The following OPCML variants were observed in gnomAD, a reference collection of about 807,000 sequenced individuals.
OPCML encodes opioid binding protein/cell adhesion molecule like.
In OPCML, 13 loss-of-function variants were observed where a neutral mutation model predicts 37.8. The ratio of observed to expected loss-of-function variants is 0.34; its 90% CI spans 0.22 to 0.55. The LOEUF is 0.55. Ranked by LOEUF, OPCML falls within the 20% of genes least tolerant of loss-of-function variation. OPCML has a pLI of 0.91. For synonymous variants in OPCML, 176 were observed against 168.8 expected (o/e 1.04, Z -0.33); for missense variants, 341 against 435.6 (o/e 0.78, Z 1.93).
chr11:133,125,706 AGTGT>A (rs1949495003), intron 1 of OPCML, among the ~76,000 whole-genome samples: 4 of 31,510 alleles, frequency 1.3e-4, no homozygotes, highest in South Asian at 1.0e-3. Context: ...GTATATATAT[AGTGT>A]ATATATATGT....
At chr11:133,207,998 C>T (rs1035035922) in intron 1 of OPCML, among the ~76,000 whole-genome samples, 2 of 152,146 alleles carry the variant, frequency 1.3e-5, no homozygotes, top group Admixed American at 6.5e-5. Context: ...AGCACCTCTA[C>T]GCTTTGTAAT....
chr11:132,491,931 T>A (rs2096217376), intron 4 of OPCML, among the ~76,000 whole-genome samples: 1 of 150,858 alleles, frequency 6.6e-6, no homozygotes. Flanking sequence ...CTAATTTTTT[T>A]TTTTTTTTTT....
At chr11:133,057,479 C>T (rs1007390331) in intron 1 of OPCML, among the ~76,000 whole-genome samples, 4 of 152,162 alleles carry the variant, frequency 2.6e-5, no homozygotes, top group African/African-American at 9.7e-5. Flanking sequence ...ACCACCACCC[C>T]AGCTTCCCTT....
chr11:132,807,501 T>G (rs943686928), intron 2 of OPCML, among the ~76,000 whole-genome samples: 2 of 152,302 alleles, frequency 1.3e-5, no homozygotes, highest in Non-Finnish European at 2.9e-5. Flanking sequence ...AGAATAAAAT[T>G]TATAAATCCA....
At chr11:132,830,268 C>A (rs1014132262) in intron 2 of OPCML, among the ~76,000 whole-genome samples, 1 of 152,164 alleles carries the variant, frequency 6.6e-6, no homozygotes, top group Admixed American at 6.5e-5. Context: ...TAAACCATGC[C>A]AACTTCTCTG....
At chr11:132,471,222 G>A (rs988861548) in intron 4 of OPCML, among the ~76,000 whole-genome samples, 11 of 152,056 alleles carry the variant, frequency 7.2e-5, no homozygotes, top group Non-Finnish European at 1.3e-4. Flanking sequence ...GGGAGGAGGG[G>A]GTTTGATGGC....
chr11:133,052,042 T>C (rs1182981339), intron 1 of OPCML, among the ~76,000 whole-genome samples: 1 of 152,210 alleles, frequency 6.6e-6, no homozygotes, highest in African/African-American at 2.4e-5. Context: ...AACCACCAGG[T>C]TCATACCCTC....
chr11:133,496,509 T>C (rs1947791191), intron 1 of OPCML, among the ~76,000 whole-genome samples: 1 of 152,234 alleles, frequency 6.6e-6, no homozygotes, highest in African/African-American at 2.4e-5. Flanking sequence ...ATTTTCACAA[T>C]GTTGGTTCTA....
chr11:132,961,271 C>G (rs1396345043), intron 1 of OPCML, among the ~76,000 whole-genome samples: 1 of 151,758 alleles, frequency 6.6e-6, no homozygotes, highest in Non-Finnish European at 1.5e-5. Flanking sequence ...ACATTGATGC[C>G]GTAGAAGAAT....
chr11:132,614,201 T>C (rs1189682916), intron 3 of OPCML, among the ~76,000 whole-genome samples: 1 of 152,166 alleles, frequency 6.6e-6, no homozygotes. Flanking sequence ...ACATGCCCTG[T>C]GCTTTGGTAC....
At chr11:132,441,324 C>T (rs1035963280) in intron 4 of OPCML, among the ~76,000 whole-genome samples, 7 of 150,524 alleles carry the variant, frequency 4.7e-5, no homozygotes, top group Admixed American at 4.0e-4. Flanking sequence ...CCCGCCACTA[C>T]GCCCGGCTAA....
At chr11:133,515,811 G>A (rs1259034351) in intron 1 of OPCML, among the ~76,000 whole-genome samples, 1 of 151,434 alleles carries the variant, frequency 6.6e-6, no homozygotes, top group Admixed American at 6.6e-5. Flanking sequence ...GGGTCTCCAA[G>A]GGCTGGGGCT....
In OPCML at chr11:132,917,529, G is replaced by A. The variant is rs142309550; in HGVS notation, c.146+25397C>T. ...ATCCAACATTGGCCTAGCAATTAAT[G>A]GAGCTGGGAGACAGATGCTTCTTCC... On this transcript the variant is annotated intron_variant, in intron 2 of 7. Transcript: ENST00000524381. 1.6e-3 allele frequency among the ~76,000 whole-genome samples: 249 copies of A among 152,306 alleles called. 1 individual carries two copies. The highest frequency in any genetic ancestry group is 5.8e-3 in the African/African-American group (239 of 41,562).
At chr11:133,076,959 G>C (rs1274520562) in intron 1 of OPCML, among the ~76,000 whole-genome samples, 2 of 152,176 alleles carry the variant, frequency 1.3e-5, no homozygotes, top group Non-Finnish European at 2.9e-5. Context: ...TGATCGGTTA[G>C]TGATGGTTGG....
intron 2 of OPCML, among the ~76,000 whole-genome samples, chr11:132,857,162 A>T (rs1040723307): frequency 6.6e-6 from 1 of 152,146 alleles, no homozygotes; most frequent in Non-Finnish European, 1.5e-5. Flanking sequence ...TGTCCAAAGT[A>T]TTGTAGCTCT....
At chr11:132,901,666 C>T (rs1294017296) in intron 2 of OPCML, among the ~76,000 whole-genome samples, 1 of 152,164 alleles carries the variant, frequency 6.6e-6, no homozygotes, top group Non-Finnish European at 1.5e-5. Flanking sequence ...CGTGCTTCTC[C>T]GAGATGGGCA....
intron 1 of OPCML, among the ~76,000 whole-genome samples, chr11:133,013,061 G>C (rs1947250622): frequency 1.3e-5 from 2 of 152,076 alleles, no homozygotes; most frequent in African/African-American, 4.8e-5. Flanking sequence ...TCTGCAACAA[G>C]AAAACAAGGA....
intron 1 of OPCML, among the ~76,000 whole-genome samples, chr11:133,410,344 A>G (rs775169214): frequency 1.3e-5 from 2 of 152,114 alleles, no homozygotes; most frequent in Non-Finnish European, 2.9e-5. Flanking sequence ...TCCCATCTCC[A>G]TAAGGTCTTG....
chr11:132,490,308 T>A (rs1025203672), intron 4 of OPCML, among the ~76,000 whole-genome samples: 1 of 151,932 alleles, frequency 6.6e-6, no homozygotes, highest in African/African-American at 2.4e-5. Flanking sequence ...AATCACTTAT[T>A]TTCCATACCC....
Sources: allele counts gnomAD v4.1 joint callset (sites outside exome capture counted in the v4.1 genomes callset), GRCh38; gene constraint gnomAD v4.1.1; transcripts MANE v1.5; gene names NCBI Gene and HGNC (gene_info 2026-07-23, HGNC 2026-07-21).